The following DLG2 variants were observed in gnomAD, a reference collection of about 807,000 sequenced individuals.
DLG2 encodes disks large homolog 2.
In DLG2, 45 loss-of-function variants were observed where a neutral mutation model predicts 132.5. The ratio of observed to expected loss-of-function variants is 0.34; its 90% CI spans 0.27 to 0.44. The LOEUF is 0.44. DLG2 is among the 20% of genes least tolerant of loss of function. DLG2 has a pLI of 1.00. For synonymous variants in DLG2, 424 were observed against 419.6 expected (o/e 1.01, Z -0.13); for missense variants, 1,045 against 1,196.9 (o/e 0.87, Z 1.87).
intron 7 of DLG2, among the ~76,000 whole-genome samples, chr11:84,418,519 TAAAC>T (rs983294905): frequency 6.6e-6 from 1 of 152,212 alleles, no homozygotes; most frequent in Non-Finnish European, 1.5e-5. Context: ...AATTAAATAA[TAAAC>T]AAAGTCCTGA....
In DLG2 at chr11:84,264,162, C is replaced by T. The variant is rs117278254; in HGVS notation, c.520-12871G>A. ...ATAGAGGTTCACTAAATACTGCTGGCATTTGCTGATGCCAAAGAATATACT... is the reference window on the plus strand; with the variant it reads ...ATAGAGGTTCACTAAATACTGCTGGTATTTGCTGATGCCAAAGAATATACT... On this transcript the variant is annotated intron_variant, in intron 7 of 27. Coordinates refer to ENST00000376104, the MANE Select transcript of DLG2 (RefSeq NM_001142699.3). 6.3e-3 allele frequency among the ~76,000 whole-genome samples: 961 copies of T among 152,216 alleles called. 6 individuals carry two copies. The highest frequency in any genetic ancestry group is 0.01 in the Non-Finnish European group (680 of 67,982).
intron 7 of DLG2, among the ~76,000 whole-genome samples, chr11:84,408,615 A>G (rs1253644319): frequency 1.3e-5 from 2 of 152,154 alleles, no homozygotes; most frequent in Non-Finnish European, 2.9e-5. Context: ...ATAAAAATGC[A>G]ATGAAATTAT....
intron 7 of DLG2, among the ~76,000 whole-genome samples, chr11:84,402,067 G>T (rs1271680951): frequency 6.6e-6 from 1 of 152,054 alleles, no homozygotes; most frequent in Non-Finnish European, 1.5e-5. Flanking sequence ...TCAGTTCATT[G>T]GAGTTTTCAG....
At chr11:83,587,830 A>C (rs1453224306) in intron 19 of DLG2, among the ~76,000 whole-genome samples, 4 of 152,120 alleles carry the variant, frequency 2.6e-5, no homozygotes, top group Admixed American at 6.5e-5. Context: ...CTCACTTGGG[A>C]AGTGCAAGGG....
At chr11:85,624,986 T>G (rs1262685277) in intron 2 of DLG2, 1 of 152,212 alleles carries the variant, frequency 6.6e-6, no homozygotes, top group Non-Finnish European at 1.5e-5. Flanking sequence ...AGGGAAGAAC[T>G]TTTAAGAAAC....
At chr11:83,743,873 G>T (rs551651336) in intron 18 of DLG2, among the ~76,000 whole-genome samples, 1 of 152,160 alleles carries the variant, frequency 6.6e-6, no homozygotes, top group Non-Finnish European at 1.5e-5. Context: ...GTTCAATAAA[G>T]GTTGGCTATA....
At chr11:83,669,716 A>C (rs2076510476) in intron 18 of DLG2, among the ~76,000 whole-genome samples, 1 of 152,226 alleles carries the variant, frequency 6.6e-6, no homozygotes, top group Non-Finnish European at 1.5e-5. Context: ...CAACTTTTCC[A>C]ACCCTGAAAA....
In DLG2 at chr11:84,016,425, A is replaced by T. The variant is rs546431426; in HGVS notation, c.920-35783T>A. On this transcript the variant is annotated intron_variant, in intron 11 of 27. Transcript: ENST00000376104. Reference sequence around the variant, plus strand: ...TGTCTTCATCATAAAATGTTTCCTCATGCCTATGTCTTGAATGGTATTGCC... The same window carrying T: ...TGTCTTCATCATAAAATGTTTCCTCTTGCCTATGTCTTGAATGGTATTGCC... 2.6e-5 allele frequency among the ~76,000 whole-genome samples: 4 copies of T among 152,090 alleles called. No homozygotes were observed. The South Asian group carries it at 8.3e-4, about 32-fold the overall frequency.
chr11:85,105,998 A>G (rs2071685180), intron 6 of DLG2, among the ~76,000 whole-genome samples: 1 of 151,884 alleles, frequency 6.6e-6, no homozygotes, highest in Admixed American at 6.6e-5. Flanking sequence ...AAAAAAGAAA[A>G]AAAAAAAAAC....
chr11:85,377,090 T>C (rs1263207729), intron 3 of DLG2, among the ~76,000 whole-genome samples: 1 of 152,194 alleles, frequency 6.6e-6, no homozygotes, highest in Non-Finnish European at 1.5e-5. Flanking sequence ...ATGTAAGTGA[T>C]AGAGGTAGCA....
intron 11 of DLG2, among the ~76,000 whole-genome samples, chr11:84,025,015 A>G: frequency 6.6e-6 from 1 of 152,094 alleles, no homozygotes; most frequent in East Asian, 1.9e-4. Context: ...AAATTTATAC[A>G]ATTATAAGTT....
chr11:83,831,034 T>G (rs753713590), intron 17 of DLG2, among the ~76,000 whole-genome samples: 2 of 152,242 alleles, frequency 1.3e-5, no homozygotes, highest in Non-Finnish European at 2.9e-5. Flanking sequence ...GACTTCTTAA[T>G]GTACCACCAT....
chr11:83,973,171 A>G (rs905016966), intron 12 of DLG2, among the ~76,000 whole-genome samples: 4 of 152,138 alleles, frequency 2.6e-5, no homozygotes, highest in African/African-American at 9.7e-5. Flanking sequence ...AAATGTAAAC[A>G]ATATATTAGC....
At chr11:85,468,760 G>A (rs1381535037) in intron 3 of DLG2, among the ~76,000 whole-genome samples, 1 of 152,310 alleles carries the variant, frequency 6.6e-6, no homozygotes, top group Middle Eastern at 3.4e-3. Context: ...AATAGGTGTG[G>A]TGTGGTGCTG....
At chr11:84,706,575 C>T (rs1201846903) in intron 6 of DLG2, among the ~76,000 whole-genome samples, 1 of 151,748 alleles carries the variant, frequency 6.6e-6, no homozygotes, top group Non-Finnish European at 1.5e-5. Context: ...AGGTCCTGAA[C>T]ATTAACACGC....
chr11:85,006,075 A>T (rs570383866), intron 6 of DLG2, among the ~76,000 whole-genome samples: 15 of 152,028 alleles, frequency 9.9e-5, no homozygotes, highest in African/African-American at 3.4e-4. Flanking sequence ...GGATGAAGCC[A>T]ACTTGATCTT....
At chr11:85,616,975 A>G (rs2081381839) in intron 2 of DLG2, among the ~76,000 whole-genome samples, 1 of 152,234 alleles carries the variant, frequency 6.6e-6, no homozygotes, top group African/African-American at 2.4e-5. Flanking sequence ...TAGATGATCA[A>G]CAACCAGAAG....
Position 84,059,348 on chromosome 11 carries a change from C to T in DLG2, c.886G>A (p.Val296Ile), listed in dbSNP as rs201416435. ...VRRRRPILET[V>I]VEIKLFKGPK... ...CCTTTGAACAGTTTGATTTCCACAA[C>T]GGTCTCCAAAATAGGTCGTCTTCTA... Residue 296 changes from valine (V) to isoleucine (I), a missense_variant, in exon 11 of 28, where the codon GTT becomes ATT. By Grantham distance (29) the Val-to-Ile change is conservative. Around this residue, in one of 4 missense-constraint regions of DLG2, gnomAD observed 109 missense variants for 159.1 expected, o/e 0.69. Coordinates refer to ENST00000376104, the MANE Select transcript of DLG2 (RefSeq NM_001142699.3). 69 of 1,613,514 alleles carry T rather than the reference C, an allele frequency of 4.3e-5. No individual in the cohort carries two copies. The highest frequency in any genetic ancestry group is 5.0e-5 in the Non-Finnish European group (59 of 1,179,804).
At chr11:85,491,658 C>CA (rs1357188123) in intron 3 of DLG2, among the ~76,000 whole-genome samples, 2 of 151,668 alleles carry the variant, frequency 1.3e-5, no homozygotes, top group Admixed American at 6.6e-5. Context: ...ACAATAGCTA[C>CA]AAAAAATAAA....
Sources: allele counts gnomAD v4.1 joint callset (sites outside exome capture counted in the v4.1 genomes callset), GRCh38; gene constraint gnomAD v4.1.1; regional missense constraint gnomAD v4.1.1; transcripts MANE v1.5; gene names NCBI Gene and HGNC (gene_info 2026-07-23, HGNC 2026-07-21).